Variants in RGMB observed in about 807,000 individuals in gnomAD.
RGMB encodes repulsive guidance molecule BMP co-receptor b, also known as repulsive guidance molecule B.
In RGMB, 16 loss-of-function variants were observed where a neutral mutation model predicts 26.9. The ratio of observed to expected loss-of-function variants is 0.60; its 90% CI spans 0.40 to 0.90. RGMB has a LOEUF of 0.90. Among genes scored for constraint, RGMB ranks in the 40% least tolerant of loss-of-function variants. RGMB has a pLI of 0.00. For missense variants in RGMB, 512 were observed against 573.3 expected (o/e 0.89, Z 1.09); for synonymous variants, 225 against 229.3 (o/e 0.98, Z 0.17).
At chr5:98,786,208 G>C (rs1296808102) in intron 2 of RGMB, among the ~76,000 whole-genome samples, 1 of 152,176 alleles carries the variant, frequency 6.6e-6, no homozygotes, top group Non-Finnish European at 1.5e-5. Context: ...TTCTGTCCCA[G>C]ATGTGGTTTG....
chr5:98,776,453 C>T (rs1746404629), intron 1 of RGMB, among the ~76,000 whole-genome samples: 1 of 152,178 alleles, frequency 6.6e-6, no homozygotes, highest in African/African-American at 2.4e-5. Context: ...CACTTCATGG[C>T]CTTCTTGGCT....
intron 2 of RGMB, among the ~76,000 whole-genome samples, chr5:98,787,900 G>A (rs1447481145): frequency 1.3e-5 from 2 of 152,160 alleles, no homozygotes; most frequent in Non-Finnish European, 2.9e-5. Context: ...GCTTGATGCT[G>A]CTTCTCTAGA....
intron 2 of RGMB, among the ~76,000 whole-genome samples, chr5:98,785,790 A>G (rs1746752544): frequency 6.6e-6 from 1 of 152,224 alleles, no homozygotes; most frequent in African/African-American, 2.4e-5. Flanking sequence ...ACAATATTGA[A>G]ACATTAAAAG....
chr5:98,774,343 C>T lies in RGMB; in HGVS notation c.136+137C>T, dbSNP rs1580268739. On this transcript the variant is annotated intron_variant, in intron 1 of 2. Transcript: ENST00000513185. ...GGAAAGGCCTCCCGAGCCCCTGACA[C>T]GCACCTCTGTCGGGCTCCGGGCCAC... The T allele has an allele frequency of 7.7e-6, 7 of 910,308 alleles. No individual in the cohort carries two copies. The East Asian group carries it at 2.3e-4, about 30-fold the overall frequency. The allele number at this position is 910,308 out of a possible 1,614,324, so 56.4% of individuals were successfully genotyped here. A position where few individuals can be genotyped will look rare whatever the true frequency, so the allele number is the denominator to read the frequency against.
intron 2 of RGMB, chr5:98,781,293 A>G (rs1413627686): frequency 1.3e-5 from 2 of 152,194 alleles, no homozygotes; most frequent in African/African-American, 4.8e-5. Flanking sequence ...CGACTGTTAC[A>G]CTGGTCTAGA....
chr5:98,792,400 C>T (rs1746957337), intron 2 of RGMB, among the ~76,000 whole-genome samples: 1 of 152,072 alleles, frequency 6.6e-6, no homozygotes, highest in South Asian at 2.1e-4. Flanking sequence ...ATGACTCATC[C>T]ACTTTGGAAG....
chr5:98,782,405 A>G (rs1250770367), intron 2 of RGMB, among the ~76,000 whole-genome samples: 1 of 152,250 alleles, frequency 6.6e-6, no homozygotes, highest in Non-Finnish European at 1.5e-5. Flanking sequence ...AAGTGCTTAT[A>G]AAATAAGTTC....
At position 98,779,924 on chromosome 5, in the gene RGMB, C is replaced by A; in HGVS notation, c.481C>A (p.Leu161Ile). ...AGGGGACCAGAACCCTCCCAGTTAC[C>A]TTTTTTGTGGCTTGTTTGGAGATCC... ...RRGDQNPPSY[L>I]FCGLFGDPHL... The change falls in exon 2 of 3, where the codon CTT becomes ATT. Residue 161 changes from leucine to isoleucine, a missense_variant. Transcript: ENST00000513185. 6.2e-7 allele frequency: 1 copy of A among 1,613,694 alleles called. No homozygotes were observed. The highest frequency in any genetic ancestry group is 8.5e-7 in the Non-Finnish European group (1 of 1,179,728).
chr5:98,785,025 G>A (rs1006786610), intron 2 of RGMB, among the ~76,000 whole-genome samples: 1 of 151,980 alleles, frequency 6.6e-6, no homozygotes, highest in East Asian at 1.9e-4. Flanking sequence ...GGTAATTCTT[G>A]GCATCTCTTT....
chr5:98,774,168 TG>T lies in RGMB; in HGVS notation c.99del (p.Leu34CysfsTer33). On this transcript the variant is annotated frameshift_variant, in exon 1 of 3. Coordinates refer to ENST00000513185, the MANE Select transcript of RGMB (RefSeq NM_001366508.1). LOFTEE classifies it high-confidence loss of function. ...PGLCPPPLEL[L>X]LLLLFSLGLL... Reference sequence around the variant, plus strand: ...CTCTGCCCCCCGCCGCTGGAGCTGCTGCTGCTGCTGCTGTTCAGCCTCGGGC... The same window carrying T: ...CTCTGCCCCCCGCCGCTGGAGCTGCTCTGCTGCTGCTGTTCAGCCTCGGGC... 1 of 1,497,104 alleles carries T rather than the reference TG, an allele frequency of 6.7e-7. No homozygotes were observed. The highest frequency in any genetic ancestry group is 2.7e-5 in the East Asian group (1 of 36,386). The allele number at this position is 1,497,104 out of a possible 1,614,324, so 92.7% of individuals were successfully genotyped here.
chr5:98,793,035 T>A, intron 2 of RGMB, 50 bp from the exon 3 acceptor site: 1 of 1,461,150 alleles, frequency 6.8e-7, no homozygotes, highest in Non-Finnish European at 9.3e-7. Context: ...GGTTACCCCG[T>A]TCTGCTTCCT....
chr5:98,775,314 C>G (rs930979075), intron 1 of RGMB, among the ~76,000 whole-genome samples: 1 of 152,054 alleles, frequency 6.6e-6, no homozygotes, highest in Non-Finnish European at 1.5e-5. Context: ...ATTTACTTTG[C>G]GTAGCTTTGC....
chr5:98,770,801 GA>G (rs1026976729), upstream of RGMB: 834 of 499,482 alleles, frequency 1.7e-3, no homozygotes, highest in South Asian at 3.3e-3. Context: ...CTCTTGCTCT[GA>G]AAAAAAAAAT....
intron 2 of RGMB, among the ~76,000 whole-genome samples, chr5:98,785,156 A>G (rs923849691): frequency 9.2e-5 from 14 of 152,184 alleles, no homozygotes; most frequent in African/African-American, 3.1e-4. Flanking sequence ...TGCTTAATGT[A>G]ATTATTTCCC....
rs768740453 is a variant in RGMB at position 98,795,900 on chromosome 5, TAAC to T, written c.*2151_*2153del. 2.0e-5 allele frequency: 3 copies of T among 152,132 alleles called. No individual in the cohort carries two copies. Among genetic ancestry groups the T allele is most frequent in the Non-Finnish European group, 2.9e-5 (2 of 68,026 alleles). The allele number at this position is 152,132 out of a possible 1,614,324, so 9.4% of individuals were successfully genotyped here. ...ATACCTTTGCTCTTTTCAGGGAAAA[TAAC>T]AACCACCCTTACTGATAGTTGGGAA... On this transcript the variant is annotated 3_prime_UTR_variant, in exon 3 of 3. Transcript: ENST00000513185.
intron 2 of RGMB, among the ~76,000 whole-genome samples, chr5:98,791,137 C>T (rs182101340): frequency 3.6e-4 from 55 of 152,314 alleles, no homozygotes; most frequent in Non-Finnish European, 3.5e-4. Context: ...ATCTCTGATG[C>T]ACCTCCTTTG....
At chr5:98,788,407 C>G (rs981966260) in intron 2 of RGMB, among the ~76,000 whole-genome samples, 1 of 152,108 alleles carries the variant, frequency 6.6e-6, no homozygotes, top group South Asian at 2.1e-4. Context: ...AGCTTCCTAA[C>G]AGTTTTTTTC....
At chr5:98,783,281 GCACA>G (rs758724977) in intron 2 of RGMB, among the ~76,000 whole-genome samples, 1 of 152,120 alleles carries the variant, frequency 6.6e-6, no homozygotes, top group African/African-American at 2.4e-5. Flanking sequence ...GGGGTGTCTG[GCACA>G]CACACATACC....
At chr5:98,776,840 A>G (rs1331396895) in intron 1 of RGMB, among the ~76,000 whole-genome samples, 1 of 152,198 alleles carries the variant, frequency 6.6e-6, no homozygotes, top group African/African-American at 2.4e-5. Context: ...TAATCCCAGC[A>G]CTTTGGGAGA....
Sources: gnomAD v4.1 joint callset for allele counts (sites outside exome capture counted in the v4.1 genomes callset) on GRCh38, gnomAD v4.1.1 for gene constraint, MANE v1.5 for transcripts, NCBI Gene and HGNC (gene_info 2026-07-23, HGNC 2026-07-21) for gene names.